ADA2: variants seen among roughly 807,000 people sequenced by gnomAD.
The protein encoded by ADA2 is adenosine deaminase CECR1.
In ADA2, 29 loss-of-function variants were observed where a neutral mutation model predicts 44.2. The observed-to-expected ratio is 0.66, with a 90% CI of 0.49 to 0.89. The LOEUF is 0.89. Among genes scored for constraint, ADA2 ranks in the 40% least tolerant of loss-of-function variants. ADA2 has a pLI of 0.00. For synonymous variants in ADA2, 215 were observed against 234.9 expected (o/e 0.92, Z 0.77); for missense variants, 637 against 644.8 (o/e 0.99, Z 0.13).
At chr22:17,202,084 G>A (rs187371025) in intron 4 of ADA2, among the ~76,000 whole-genome samples, 11 of 143,244 alleles carry the variant, frequency 7.7e-5, no homozygotes, top group East Asian at 4.4e-4. Flanking sequence ...TGATTCTCCC[G>A]CCTCAGCCTC....
rs552899029 is a variant in ADA2, at chr22:17,202,784, TG to T, written c.753+778del. ...CTTTTCCTTTCTTTCTTTTTTTTTT[TG>T]TGTGTGTGTGTTTTTTGAGACAACA... On this transcript the variant is annotated intron_variant, in intron 4 of 9. Coordinates refer to ENST00000399837, the MANE Select transcript of ADA2 (RefSeq NM_001282225.2). Among the ~76,000 whole-genome samples, 35 of 149,986 alleles carry T rather than the reference TG, an allele frequency of 2.3e-4. No individual in the cohort carries two copies. In the South Asian group the frequency reaches 2.5e-3, roughly 11 times the overall value.
At chr22:17,198,969 C>T (rs1201963672) in intron 4 of ADA2, among the ~76,000 whole-genome samples, 1 of 152,030 alleles carries the variant, frequency 6.6e-6, no homozygotes, top group Non-Finnish European at 1.5e-5. Context: ...CGAGGGGGCT[C>T]AGCAAAAGGA....
intron 5 of ADA2, among the ~76,000 whole-genome samples, chr22:17,191,338 C>T (rs1283261466): frequency 6.6e-6 from 1 of 152,200 alleles, no homozygotes; most frequent in Non-Finnish European, 1.5e-5. Flanking sequence ...AAACCAAAAA[C>T]GGGCCAATTA....
At chr22:17,188,747 C>CAT in intron 6 of ADA2, 1 of 179,172 alleles carries the variant, frequency 5.6e-6, no homozygotes, top group South Asian at 1.1e-4. Flanking sequence ...GGTGTGGTAG[C>CAT]GGGTGCCTGT....
At chr22:17,218,896 C>T (rs1322946334) in intron 1 of ADA2, among the ~76,000 whole-genome samples, 1 of 152,200 alleles carries the variant, frequency 6.6e-6, no homozygotes, top group African/African-American at 2.4e-5. Context: ...GGTGGCTCTG[C>T]CTGTGATCCC....
Position 17,209,386 on chromosome 22 carries a change from C to A in ADA2, c.292G>T (p.Val98Leu). ...GGCATCATCCTTAGAATATTAAACA[C>A]TTGACTTCTCTCAATGAGATGCTTG... ...QAKHLIERSQVFNILRMMPKG... is the reference protein window; with the variant it reads ...QAKHLIERSQLFNILRMMPKG... Residue 98 changes from valine (V) to leucine (L), a missense_variant, in exon 2 of 10, where the codon GTG becomes TTG. Transcript: ENST00000399837. The A allele has an allele frequency of 1.2e-6, 2 of 1,614,068 alleles. No homozygotes were observed. The highest frequency in any genetic ancestry group is 1.7e-6 in the Non-Finnish European group (2 of 1,180,032).
chr22:17,215,374 G>A (rs1315459903), intron 1 of ADA2, among the ~76,000 whole-genome samples: 1 of 116,334 alleles, frequency 8.6e-6, no homozygotes, highest in Non-Finnish European at 2.1e-5. Flanking sequence ...GCCGAGGCAG[G>A]AGGCAGGTGG....
chr22:17,208,387 G>A (rs965864434), intron 2 of ADA2, among the ~76,000 whole-genome samples: 3 of 142,522 alleles, frequency 2.1e-5, no homozygotes, highest in African/African-American at 2.6e-5. Context: ...TCACGCCACC[G>A]CACTCCAGCC....
chr22:17,209,247 G>A (rs1184614031), intron 2 of ADA2, 109 bp downstream of exon 2: 1 of 934,192 alleles, frequency 1.1e-6, no homozygotes, highest in Non-Finnish European at 1.6e-6. Context: ...AGCTGAGTGA[G>A]GCTTTCTCTG....
chr22:17,202,406 T>C (rs2062300419), intron 4 of ADA2, among the ~76,000 whole-genome samples: 1 of 152,142 alleles, frequency 6.6e-6, no homozygotes, highest in African/African-American at 2.4e-5. Flanking sequence ...ATTACAGGCA[T>C]GAGCCACCTC....
chr22:17,221,360 C>T (rs1807519), upstream of ADA2, among the ~76,000 whole-genome samples: 93,548 of 151,550 alleles, frequency 0.62, 29,179 homozygotes, highest in East Asian at 0.77. Flanking sequence ...CATAGGTATA[C>T]CTGTGCCATG....
chr22:17,204,928 T>A (rs11704386), intron 3 of ADA2, among the ~76,000 whole-genome samples: 9 of 151,490 alleles, frequency 5.9e-5, no homozygotes, highest in African/African-American at 1.5e-4. Flanking sequence ...CTGGGGTAGC[T>A]GAGACTATAG....
chr22:17,207,073 G>T lies in ADA2; in HGVS notation c.540C>A (p.Asp180Glu). 1.2e-6 allele frequency: 2 copies of T among 1,613,282 alleles called. No homozygotes were observed. The highest frequency in any genetic ancestry group is 1.7e-6 in the Non-Finnish European group (2 of 1,179,258). Residue 180 changes from aspartate to glutamate, a missense_variant and splice_region_variant, in exon 3 of 10, where the codon GAC (aspartate) becomes GAA (glutamate). Coordinates refer to ENST00000399837, the MANE Select transcript of ADA2 (RefSeq NM_001282225.2). ...GTGCTTTCTGAACTACTACTCACCT[G>T]TCATCAAACTCAGTGACGTTCTGCA... is the stretch of plus-strand genomic sequence containing the variant. Reference protein sequence around the residue: ...KRVQNVTEFDDSLLRNFTLVT... With the variant: ...KRVQNVTEFDESLLRNFTLVT...
chr22:17,190,753 C>G (rs1172477104), intron 5 of ADA2, among the ~76,000 whole-genome samples: 1 of 152,224 alleles, frequency 6.6e-6, no homozygotes, highest in Non-Finnish European at 1.5e-5. Context: ...GCCCTCACAC[C>G]CTCCTGCCAC....
At chr22:17,186,042 A>G (rs1438227243) in intron 7 of ADA2, among the ~76,000 whole-genome samples, 2 of 152,194 alleles carry the variant, frequency 1.3e-5, no homozygotes, top group Non-Finnish European at 2.9e-5. Flanking sequence ...AGTTCTGGGA[A>G]AGAAAGATGT....
At chr22:17,197,882 T>C (rs919636007) in intron 4 of ADA2, among the ~76,000 whole-genome samples, 2 of 151,786 alleles carry the variant, frequency 1.3e-5, no homozygotes, top group African/African-American at 4.8e-5. Flanking sequence ...CTACTAAAAA[T>C]AGAAAATTAG....
intron 7 of ADA2, among the ~76,000 whole-genome samples, chr22:17,186,851 AGAGT>A (rs2062041642): frequency 6.7e-6 from 1 of 149,974 alleles, no homozygotes. Flanking sequence ...CCTGGGTGAC[AGAGT>A]GAGACTCCAT....
intron 1 of ADA2, chr22:17,214,151 C>T (rs1276802623): frequency 1.1e-5 from 8 of 726,940 alleles, no homozygotes; most frequent in East Asian, 7.1e-5. Flanking sequence ...GTCAGCTGGA[C>T]GAAATAGCCG....
chr22:17,201,017 C>CT (rs2062277888), intron 4 of ADA2, among the ~76,000 whole-genome samples: 1 of 151,986 alleles, frequency 6.6e-6, no homozygotes, highest in Non-Finnish European at 1.5e-5. Context: ...CAAGACTAAC[C>CT]TGGCCAACAT....
Sources: gnomAD v4.1 joint callset for allele counts (sites outside exome capture counted in the v4.1 genomes callset) on GRCh38, gnomAD v4.1.1 for gene constraint, MANE v1.5 for transcripts, NCBI Gene and HGNC (gene_info 2026-07-23, HGNC 2026-07-21) for gene names.